CDC45: variants seen among roughly 807,000 people sequenced by gnomAD.
CDC45 encodes cell division control protein 45 homolog.
A neutral mutation model predicts 77.8 loss-of-function variants in CDC45; 54 were observed. The ratio of observed to expected loss-of-function variants is 0.69; its 90% CI spans 0.56 to 0.87. The LOEUF (loss-of-function observed/expected upper bound fraction) is 0.87. Ranked by LOEUF, CDC45 falls within the 40% of genes least tolerant of loss-of-function variation. The probability of loss-of-function intolerance (pLI) is 0.00; values close to 1 mark genes in which losing one functional copy is unlikely to be tolerated. For synonymous variants in CDC45, 260 were observed against 272.1 expected (o/e 0.96, Z 0.44); for missense variants, 649 against 721.6 (o/e 0.90, Z 1.15).
intron 9 of CDC45, among the ~76,000 whole-genome samples, chr22:19,499,662 G>C (rs1223135334): frequency 1.3e-5 from 2 of 152,196 alleles, no homozygotes; most frequent in African/African-American, 4.8e-5. Flanking sequence ...CCATCTGATA[G>C]ACTGACGGTG....
chr22:19,504,650 G>T (rs9606039), intron 9 of CDC45, among the ~76,000 whole-genome samples: 6,452 of 152,176 alleles, frequency 0.042, 236 homozygotes, highest in South Asian at 0.14. Flanking sequence ...AAAATTGGGA[G>T]AGTTGATTGG....
chr22:19,483,203 C>G (rs1325728424), intron 4 of CDC45, among the ~76,000 whole-genome samples: 2 of 152,192 alleles, frequency 1.3e-5, no homozygotes, highest in Non-Finnish European at 2.9e-5. Flanking sequence ...GAGGCCGAGG[C>G]AGGCGGATTA....
rs184840047 is a variant in CDC45 at position 19,508,596 on chromosome 22, C to T, written c.1122C>T (p.Ser374=). The T allele has an allele frequency of 5.0e-6, 8 of 1,614,186 alleles. 1 individual carries two copies. Among genetic ancestry groups the T allele is most frequent in the East Asian group, 2.2e-5 (1 of 44,874 alleles). The change falls in exon 13 of 19, where the codon AGC becomes AGT. Residue 374 remains serine, a synonymous_variant. Coordinates refer to ENST00000263201, the MANE Select transcript of CDC45 (RefSeq NM_003504.5). ...HFGFKHKFLA[S]DVVFATMSLM... ...GGTTCAAGCACAAGTTTCTGGCCAG[C>T]GACGTGGTCTTTGCCACCATGTCTT... is the stretch of plus-strand genomic sequence containing the variant.
At chr22:19,497,318 C>A in intron 7 of CDC45, 68 bp from the exon 8 acceptor site, 1 of 1,460,900 alleles carries the variant, frequency 6.8e-7, no homozygotes, top group Non-Finnish European at 9.6e-7. Context: ...CAAGTCCAGT[C>A]TGGCTGCATG....
chr22:19,480,128 G>A (rs779407514), intron 1 of CDC45, 30 bp from the exon 2 acceptor site: 2 of 1,613,576 alleles, frequency 1.2e-6, no homozygotes, highest in African/African-American at 1.3e-5. Flanking sequence ...TCGGGTCGCC[G>A]TGTTCAGCCG....
chr22:19,517,859 A>G (rs1482516239), intron 17 of CDC45, among the ~76,000 whole-genome samples: 1 of 152,228 alleles, frequency 6.6e-6, no homozygotes, highest in Non-Finnish European at 1.5e-5. Flanking sequence ...GCTTCAACAT[A>G]GAGATGTGGG....
chr22:19,508,656 A>G lies in CDC45; in HGVS notation c.1182A>G (p.Thr394=), dbSNP rs1933345689. Residue 394 remains threonine (T), a synonymous_variant, in exon 13 of 19, where the codon ACA becomes ACG. Transcript: ENST00000263201. ...MESPEKDGSG[T]DHFIQALDSL... is the part of the protein sequence containing the mutation. ...GCCCCGAGAAGGATGGCTCAGGGACAGATCACTTCATCCAGGCTCTGGACA... is the reference window on the plus strand; with the variant it reads ...GCCCCGAGAAGGATGGCTCAGGGACGGATCACTTCATCCAGGCTCTGGACA... The G allele has an allele frequency of 6.2e-7, 1 of 1,614,168 alleles. No individual in the cohort carries two copies. The highest frequency in any genetic ancestry group is 8.5e-7 in the Non-Finnish European group (1 of 1,179,990).
chr22:19,490,377 G>T (rs5748235), intron 5 of CDC45, among the ~76,000 whole-genome samples: 151,924 of 151,926 alleles, frequency 1, 75,961 homozygotes, highest in Middle Eastern at 1. Context: ...TTTGTTATTT[G>T]TATTTTTATT....
Position 19,494,365 on chromosome 22 carries a change from A to G in CDC45, c.525A>G (p.Arg175=), listed in dbSNP as rs1183144426. 1 of 1,613,412 alleles carries G rather than the reference A, an allele frequency of 6.2e-7. No individual in the cohort carries two copies. Among genetic ancestry groups the G allele is most frequent in the South Asian group, 1.1e-5 (1 of 91,034 alleles). Residue 175 remains arginine, a synonymous_variant, in exon 6 of 19, where the codon CGA becomes CGG. Transcript: ENST00000263201. ...VEQTMRRRQR[R]EWEARRRDIL... ...AAACCATGCGGAGGAGGCAGCGGCG[A>G]GAGTGGGAGGCCCGGAGGTGAGTCT...
chr22:19,508,047 G>A (rs1023583665), intron 12 of CDC45, among the ~76,000 whole-genome samples, 183 bp downstream of exon 12: 4 of 152,162 alleles, frequency 2.6e-5, no homozygotes, highest in South Asian at 2.1e-4. Context: ...CATTCCTGAA[G>A]TCTTGAGTTC....
At chr22:19,498,725 G>A (rs989018517) in intron 8 of CDC45, among the ~76,000 whole-genome samples, 1 of 152,212 alleles carries the variant, frequency 6.6e-6, no homozygotes, top group Non-Finnish European at 1.5e-5. Context: ...ACAGGCCTCT[G>A]CCATGATACT....
At chr22:19,512,857 C>T (rs1408175612) in intron 13 of CDC45, among the ~76,000 whole-genome samples, 2 of 152,146 alleles carry the variant, frequency 1.3e-5, no homozygotes, top group East Asian at 3.8e-4. Flanking sequence ...TTATTTGCCT[C>T]ATAATTCTGA....
Position 19,515,046 on chromosome 22 carries a change from T to G in CDC45, c.1438T>G (p.Ser480Ala). Residue 480 changes from serine (S) to alanine (A), a missense_variant and splice_region_variant, in exon 15 of 19, where the codon TCG becomes GCG. Coordinates refer to ENST00000263201, the MANE Select transcript of CDC45 (RefSeq NM_003504.5). ...ACACCTGCTCAAGTCCTTTGTGTGTTCGGTGAGGGGCCAGGCGGGTGCTGT... is the reference window on the plus strand; with the variant it reads ...ACACCTGCTCAAGTCCTTTGTGTGTGCGGTGAGGGGCCAGGCGGGTGCTGT... ...SKHLLKSFVC[S>A]TKNRRCKLLP... is the part of the protein sequence containing the mutation. The G allele has an allele frequency of 1.2e-6, 2 of 1,602,224 alleles. No individual in the cohort carries two copies. The highest frequency in any genetic ancestry group is 1.7e-6 in the Non-Finnish European group (2 of 1,172,386).
intron 10 of CDC45, among the ~76,000 whole-genome samples, chr22:19,506,151 C>T (rs2146408143): frequency 6.6e-6 from 1 of 152,296 alleles, no homozygotes; most frequent in South Asian, 2.1e-4. Context: ...TGGCTGTAAG[C>T]AGTCAGATAG....
chr22:19,514,439 C>T (rs543519045), intron 13 of CDC45, among the ~76,000 whole-genome samples: 3 of 152,292 alleles, frequency 2.0e-5, no homozygotes, highest in South Asian at 4.1e-4. Context: ...TGTCCAACCT[C>T]CAGCCCTTGC....
At chr22:19,501,549 C>T (rs927838757) in intron 9 of CDC45, among the ~76,000 whole-genome samples, 1 of 152,120 alleles carries the variant, frequency 6.6e-6, no homozygotes, top group Non-Finnish European at 1.5e-5. Flanking sequence ...TGGAAATGAC[C>T]CAGACACCCA....
intron 17 of CDC45, 130 bp downstream of exon 17, chr22:19,517,023 G>T (rs988542298): frequency 1.5e-5 from 11 of 751,452 alleles, no homozygotes; most frequent in Non-Finnish European, 2.3e-5. Flanking sequence ...TCCAGATCTG[G>T]CCCTGGGACA....
At position 19,513,459 on chromosome 22, in the gene CDC45, T is replaced by G. The variant is rs188108405; in HGVS notation, c.1218-1290T>G. Among the ~76,000 whole-genome samples, 4 of 152,332 alleles carry G rather than the reference T, an allele frequency of 2.6e-5. No individual in the cohort carries two copies. The East Asian group carries it at 7.7e-4, about 29-fold the overall frequency. ...TTTCCTGCTGTTTTTAATTGCCTCC[T>G]TTATCACATCCATTTTTTTCTCCTC... On this transcript the variant is annotated intron_variant, in intron 13 of 18. Coordinates refer to ENST00000263201, the MANE Select transcript of CDC45 (RefSeq NM_003504.5).
At chr22:19,494,656 T>G (rs1439028890) in intron 6 of CDC45, 1 of 1,174,312 alleles carries the variant, frequency 8.5e-7, no homozygotes, top group Non-Finnish European at 1.2e-6. Flanking sequence ...TTATCAAGTT[T>G]TTCCAATGTA....
Sources: gnomAD v4.1 joint callset for allele counts (sites outside exome capture counted in the v4.1 genomes callset) on GRCh38, gnomAD v4.1.1 for gene constraint, MANE v1.5 for transcripts, NCBI Gene and HGNC (gene_info 2026-07-23, HGNC 2026-07-21) for gene names.